POLD3: variants seen among roughly 807,000 people sequenced by gnomAD.
The protein encoded by POLD3 is DNA polymerase delta 3, accessory subunit, also known as DNA polymerase delta subunit 3.
Under a neutral mutation model 58.2 loss-of-function variants are expected in POLD3, and 19 were observed. The ratio of observed to expected loss-of-function variants is 0.33; its 90% CI spans 0.23 to 0.48. The LOEUF is 0.48. POLD3 is among the 20% of genes least tolerant of loss of function. POLD3 has a pLI of 0.99. For missense variants in POLD3, 504 were observed against 545.5 expected (o/e 0.92, Z 0.76); for synonymous variants, 172 against 193.5 (o/e 0.89, Z 0.92).
chr11:74,603,377 A>C (rs1210449179), intron 2 of POLD3, among the ~76,000 whole-genome samples: 1 of 152,222 alleles, frequency 6.6e-6, no homozygotes, highest in African/African-American at 2.4e-5. Context: ...GATAGGAAGA[A>C]GTGAAGTATA....
intron 5 of POLD3, 125 bp downstream of exon 5, chr11:74,613,135 A>G (rs1305896081): frequency 1.9e-5 from 16 of 847,856 alleles, no homozygotes; most frequent in Non-Finnish European, 2.6e-5. Flanking sequence ...GCAGTAAGAA[A>G]CATGCCTGGT....
intron 9 of POLD3, among the ~76,000 whole-genome samples, chr11:74,629,860 T>G (rs1040049230): frequency 6.6e-6 from 1 of 152,102 alleles, no homozygotes; most frequent in Non-Finnish European, 1.5e-5. Context: ...TAAAAAAATA[T>G]CAAGTATTTT....
At chr11:74,667,585 AT>A (rs2033288089) in intron 4 of POLD3, among the ~76,000 whole-genome samples, 3 of 152,118 alleles carry the variant, frequency 2.0e-5, no homozygotes, top group African/African-American at 4.8e-5. Context: ...AAAATTTTAA[AT>A]AAAATTTAAA....
rs1412415048 is a variant in POLD3, at chr11:74,611,505, A to G, written c.226A>G (p.Lys76Glu). 1.9e-6 allele frequency: 3 copies of G among 1,562,302 alleles called. No individual in the cohort carries two copies. The highest frequency in any genetic ancestry group is 3.8e-5 in the Admixed American group (2 of 52,496). Residue 76 changes from lysine (K) to glutamate (E), a missense_variant, in exon 4 of 12, where the codon AAG (lysine) becomes GAG (glutamate). Around this residue, in one of 2 missense-constraint regions of POLD3, gnomAD observed 119 missense variants for 175.0 expected, o/e 0.68. Coordinates refer to ENST00000263681, the MANE Select transcript of POLD3 (RefSeq NM_006591.3). Reference sequence around the variant, plus strand: ...AAGTGTTATTTTCTTACAGTGCCACAAGGTTGCAGTAGTGAGAGAAGATAA... The same window carrying G: ...AAGTGTTATTTTCTTACAGTGCCACGAGGTTGCAGTAGTGAGAGAAGATAA... Reference protein sequence around the residue: ...SLIQNGHSCHKVAVVREDKLE... With the variant: ...SLIQNGHSCHEVAVVREDKLE...
chr11:74,611,641 T>A, intron 4 of POLD3, 103 bp downstream of exon 4: 1 of 670,084 alleles, frequency 1.5e-6, no homozygotes. Flanking sequence ...TTTAGCTATT[T>A]AACTGAATAG....
At chr11:74,614,601 T>C (rs1265967058) in intron 5 of POLD3, among the ~76,000 whole-genome samples, 1 of 151,950 alleles carries the variant, frequency 6.6e-6, no homozygotes, top group East Asian at 1.9e-4. Flanking sequence ...TCCCAGCTGC[T>C]CAGGAGGCTG....
At chr11:74,663,559 A>G (rs1197923052) in intron 4 of POLD3, among the ~76,000 whole-genome samples, 2 of 152,250 alleles carry the variant, frequency 1.3e-5, no homozygotes, top group Admixed American at 6.5e-5. Context: ...TAGTCTGTAA[A>G]TAGTGGTTGA....
In POLD3 at chr11:74,629,322, A is replaced by C. The variant is rs1423063267; in HGVS notation, c.1005A>C (p.Glu335Asp). 6.4e-7 allele frequency: 1 copy of C among 1,569,188 alleles called. No homozygotes were observed. Among genetic ancestry groups the C allele is most frequent in the Non-Finnish European group, 8.7e-7 (1 of 1,143,940 alleles). Residue 335 changes from glutamate (E) to aspartate (D), a missense_variant and splice_region_variant, in exon 9 of 12, where the codon GAA becomes GAC. Glu to Asp is a conservative substitution (Grantham distance 45). Coordinates refer to ENST00000263681, the MANE Select transcript of POLD3 (RefSeq NM_006591.3). ...CTGAATCTGATAGCAGTGAAGATGA[A>C]GGTGGGCATTACCATTCATTTTGGG... The part of the protein sequence containing the change: ...KLPESDSSED[E>D]VFPDSPGAYE...
chr11:74,653,980 C>G (rs1015806031), intron 4 of POLD3, among the ~76,000 whole-genome samples: 5 of 152,042 alleles, frequency 3.3e-5, no homozygotes, highest in Non-Finnish European at 7.3e-5. Flanking sequence ...GTCACATGGC[C>G]AGAGCAGGAG....
At chr11:74,614,709 C>A (rs1223557132) in intron 5 of POLD3, among the ~76,000 whole-genome samples, 22 of 145,954 alleles carry the variant, frequency 1.5e-4, no homozygotes, top group South Asian at 2.2e-4. Flanking sequence ...GACTCCAGCT[C>A]AAAAAAAAAA....
intron 3 of POLD3, among the ~76,000 whole-genome samples, chr11:74,608,892 T>A (rs2031789913): frequency 6.6e-6 from 1 of 152,116 alleles, no homozygotes; most frequent in African/African-American, 2.4e-5. Flanking sequence ...TTTTTAGGAG[T>A]GCCAGTTTTA....
At chr11:74,629,151 A>G (rs2298792) in intron 8 of POLD3, 66 bp from the exon 9 acceptor site, 424,377 of 905,930 alleles carry the variant, frequency 0.47, 103,293 homozygotes, top group Non-Finnish European at 0.51. Flanking sequence ...AAAACCCATA[A>G]GAGCATGTGA....
chr11:74,668,794 T>A (rs766881539), exon 5 of POLD3: 7 of 1,288,234 alleles, frequency 5.4e-6, no homozygotes, highest in Non-Finnish European at 7.1e-6. Flanking sequence ...GGACATGCAG[T>A]CCCACTCACT....
chr11:74,614,297 G>GC (rs779114274), intron 5 of POLD3, among the ~76,000 whole-genome samples: 3 of 152,174 alleles, frequency 2.0e-5, no homozygotes, highest in Non-Finnish European at 2.9e-5. Flanking sequence ...TAATCTGGAG[G>GC]CAAGGCCATC....
At position 74,642,203 on chromosome 11, in the gene POLD3, T is replaced by A; in HGVS notation, c.*1437T>A. Reference sequence around the variant, plus strand: ...CATGAGCTTCTTTAGCAACCAAGCATGAACTTGATTAAGACCAGAAGTTTG... The same window carrying A: ...CATGAGCTTCTTTAGCAACCAAGCAAGAACTTGATTAAGACCAGAAGTTTG... On this transcript the variant is annotated 3_prime_UTR_variant, in exon 12 of 12. Coordinates refer to ENST00000263681, the MANE Select transcript of POLD3 (RefSeq NM_006591.3). 2 of 985,478 alleles carry A rather than the reference T, an allele frequency of 2.0e-6. No individual in the cohort carries two copies. Among genetic ancestry groups the A allele is most frequent in the Non-Finnish European group, 2.4e-6 (2 of 829,950 alleles). The allele number at this position is 985,478 out of a possible 1,614,324, so 61.0% of individuals were successfully genotyped here.
At chr11:74,629,126 C>A in intron 8 of POLD3, 91 bp from the exon 9 acceptor site, 1 of 727,826 alleles carries the variant, frequency 1.4e-6, no homozygotes. Flanking sequence ...GAATTAAGAC[C>A]ACGAGTTATA....
chr11:74,665,439 C>T (rs1404147989), intron 4 of POLD3, among the ~76,000 whole-genome samples: 1 of 138,676 alleles, frequency 7.2e-6, no homozygotes, highest in African/African-American at 2.9e-5. Flanking sequence ...CTCTGTCACC[C>T]AGGCTGGATG....
intron 11 of POLD3, among the ~76,000 whole-genome samples, chr11:74,637,263 C>T (rs1444536254): frequency 6.6e-6 from 1 of 152,090 alleles, no homozygotes; most frequent in Non-Finnish European, 1.5e-5. Context: ...TGCTCCCTGT[C>T]CCACTATTCC....
intron 4 of POLD3, among the ~76,000 whole-genome samples, chr11:74,663,619 C>T (rs2033231117): frequency 6.6e-6 from 1 of 152,080 alleles, no homozygotes. Context: ...AAAGTCTGTT[C>T]AACAAACGAT....
Sources: gnomAD v4.1 joint callset for allele counts (sites outside exome capture counted in the v4.1 genomes callset) on GRCh38, gnomAD v4.1.1 for gene constraint, gnomAD v4.1.1 regional missense constraint, MANE v1.5 for transcripts, NCBI Gene and HGNC (gene_info 2026-07-23, HGNC 2026-07-21) for gene names.